LONP2: variants seen among roughly 807,000 people sequenced by gnomAD.
LONP2 encodes lon protease homolog 2, peroxisomal.
In LONP2, 60 loss-of-function variants were observed where a neutral mutation model predicts 85.6. That is an observed-to-expected ratio of 0.70 (90% CI 0.57 to 0.87). The LOEUF is 0.87. LONP2 is among the 40% of genes least tolerant of loss of function. LONP2 has a pLI of 0.00. For synonymous variants in LONP2, 395 were observed against 389.7 expected (o/e 1.01, Z -0.16); for missense variants, 860 against 1,063.5 (o/e 0.81, Z 2.66).
rs137988824 is a variant in LONP2 at position 48,313,035 on chromosome 16, A to G, written c.1795+9730A>G. 3.4e-3 allele frequency among the ~76,000 whole-genome samples: 517 copies of G among 152,312 alleles called. 2 individuals carry two copies. The highest frequency in any genetic ancestry group is 0.012 in the African/African-American group (495 of 41,570). On this transcript the variant is annotated intron_variant, in intron 11 of 14. Transcript: ENST00000285737. ...AGAGGCTGCCTCATACATTGTTTCA[A>G]GAATTACTTTATCTTAGATAATCTT...
chr16:48,319,770 C>G (rs1328766307), intron 11 of LONP2, among the ~76,000 whole-genome samples: 1 of 152,156 alleles, frequency 6.6e-6, no homozygotes, highest in Non-Finnish European at 1.5e-5. Flanking sequence ...ACAGCCCAAC[C>G]CTGGTATGAT....
intron 12 of LONP2, among the ~76,000 whole-genome samples, chr16:48,335,974 G>A (rs900495266): frequency 5.3e-5 from 8 of 152,204 alleles, no homozygotes; most frequent in Non-Finnish European, 7.3e-5. Flanking sequence ...CTGCTTTCTC[G>A]TTCTGGGAGG....
chr16:48,296,767 C>G (rs1243488557), intron 9 of LONP2, among the ~76,000 whole-genome samples: 2 of 150,632 alleles, frequency 1.3e-5, no homozygotes, highest in Admixed American at 1.3e-4. Context: ...CTCATAAAAT[C>G]TGGCCTCACT....
At chr16:48,277,636 A>T (rs1213989497) in intron 8 of LONP2, among the ~76,000 whole-genome samples, 157 bp downstream of exon 8, 1 of 152,194 alleles carries the variant, frequency 6.6e-6, no homozygotes, top group Non-Finnish European at 1.5e-5. Context: ...ACTTAAATTA[A>T]AATGTTTTTG....
chr16:48,346,514 G>A (rs1041225204), intron 12 of LONP2, among the ~76,000 whole-genome samples: 2 of 152,182 alleles, frequency 1.3e-5, no homozygotes, highest in Non-Finnish European at 2.9e-5. Context: ...AACCCAGGAT[G>A]TTTATTATGT....
At chr16:48,282,975 A>G (rs1972362389) in intron 8 of LONP2, among the ~76,000 whole-genome samples, 2 of 152,240 alleles carry the variant, frequency 1.3e-5, no homozygotes, top group African/African-American at 2.4e-5. Flanking sequence ...ACCAATGATA[A>G]GAAAGTGAAA....
chr16:48,321,275 A>T (rs997562742), intron 11 of LONP2, among the ~76,000 whole-genome samples: 2 of 152,334 alleles, frequency 1.3e-5, no homozygotes, highest in South Asian at 2.1e-4. Context: ...TTTTAAAAAA[A>T]ATATTACAAA....
rs1283322611 is a variant in LONP2, at chr16:48,298,623, TGAG to T, written c.1535-1037_1535-1035del. 9.7e-5 allele frequency among the ~76,000 whole-genome samples: 8 copies of T among 82,316 alleles called. No homozygotes were observed. In the South Asian group the frequency reaches 2.2e-3, roughly 23 times the overall value. The allele number at this position is 82,316 out of a possible 152,430, so 54.0% of individuals were successfully genotyped here. ...CCTTGGAACCCACTGCTTATTTAAT[TGAG>T]GTGTGTGTGTGTGTGTGTGTGTGTG... On this transcript the variant is annotated intron_variant, in intron 9 of 14. Transcript: ENST00000285737.
intron 8 of LONP2, among the ~76,000 whole-genome samples, chr16:48,281,814 AATAGTATATTTACTACTTAG>A (rs369447568): frequency 2.0e-5 from 3 of 152,334 alleles, no homozygotes; most frequent in African/African-American, 7.2e-5. Flanking sequence ...TAATTAGACC[AATAGTATATTTACTACTTAG>A]ATACAGTAGA....
At chr16:48,262,120 G>A (rs957241968) in intron 5 of LONP2, among the ~76,000 whole-genome samples, 7 of 152,080 alleles carry the variant, frequency 4.6e-5, no homozygotes, top group Non-Finnish European at 1.0e-4. Context: ...TAGTTGATGG[G>A]TATTTTATAT....
chr16:48,251,668 T>A (rs1216694194), intron 1 of LONP2, among the ~76,000 whole-genome samples: 1 of 152,198 alleles, frequency 6.6e-6, no homozygotes, highest in Non-Finnish European at 1.5e-5. Context: ...ATAGACTGAT[T>A]ATGTAAGAAA....
intron 12 of LONP2, among the ~76,000 whole-genome samples, chr16:48,339,413 G>C (rs1028292209): frequency 6.6e-6 from 1 of 152,198 alleles, no homozygotes; most frequent in South Asian, 2.1e-4. Context: ...GAGTGGTGGG[G>C]ATGGTAGAAA....
chr16:48,328,360 A>G (rs1336159029), intron 11 of LONP2, among the ~76,000 whole-genome samples: 1 of 151,806 alleles, frequency 6.6e-6, no homozygotes, highest in African/African-American at 2.4e-5. Flanking sequence ...CCTGACCAAC[A>G]TGGTGAAACC....
rs183095449 is a variant in LONP2 at position 48,339,482 on chromosome 16, T to A, written c.1938+5124T>A. The stretch of plus-strand genomic sequence containing the variant: ...GAAGTAGAATTAGTGTGTAGGCAGC[T>A]CTTTAGAAGTTTGGCTGTAAACAAT... On this transcript the variant is annotated intron_variant, in intron 12 of 14. Transcript: ENST00000285737. 1.1e-3 allele frequency among the ~76,000 whole-genome samples: 175 copies of A among 152,330 alleles called. 8 individuals are homozygous for A. Among genetic ancestry groups the A allele is most frequent in the Admixed American group, 9.0e-3 (138 of 15,302 alleles).
At chr16:48,296,657 G>A (rs921966661) in intron 9 of LONP2, among the ~76,000 whole-genome samples, 1 of 151,664 alleles carries the variant, frequency 6.6e-6, no homozygotes, top group Non-Finnish European at 1.5e-5. Flanking sequence ...AACCTGGGAA[G>A]GGGAGGTTGC....
At position 48,298,476 on chromosome 16, in the gene LONP2, C is replaced by CAG. The variant is rs1555481173; in HGVS notation, c.1535-1185_1535-1184insGA. 1.3e-3 allele frequency among the ~76,000 whole-genome samples: 198 copies of CAG among 150,476 alleles called. 1 individual carries two copies. In the Middle Eastern group the frequency reaches 0.017, roughly 13 times the overall value. ...ATAAATACATACACACACACACACA[C>CAG]ATATATATATATACCATCATGTGGA... On this transcript the variant is annotated intron_variant, in intron 9 of 14. Coordinates refer to ENST00000285737, the MANE Select transcript of LONP2 (RefSeq NM_031490.5).
intron 6 of LONP2, among the ~76,000 whole-genome samples, chr16:48,267,587 A>C (rs1214447271): frequency 6.6e-6 from 1 of 151,804 alleles, no homozygotes; most frequent in East Asian, 1.9e-4. Flanking sequence ...GACCTGAGCC[A>C]CTGTGTCCAG....
intron 11 of LONP2, among the ~76,000 whole-genome samples, chr16:48,333,196 C>G (rs983778953): frequency 6.6e-6 from 1 of 152,002 alleles, no homozygotes; most frequent in African/African-American, 2.4e-5. Context: ...GTTACTTGAA[C>G]TGGAATTACA....
intron 1 of LONP2, among the ~76,000 whole-genome samples, chr16:48,248,885 G>GAAGA (rs1971546308): frequency 1.1e-5 from 1 of 91,428 alleles, no homozygotes; most frequent in South Asian, 3.7e-4. Flanking sequence ...CTGTCTATAG[G>GAAGA]AAAAAAAAAA....
Sources: allele counts gnomAD v4.1 joint callset (sites outside exome capture counted in the v4.1 genomes callset), GRCh38; gene constraint gnomAD v4.1.1; transcripts MANE v1.5; gene names NCBI Gene and HGNC (gene_info 2026-07-23, HGNC 2026-07-21).